Variants in XRCC1 observed in about 807,000 individuals in gnomAD.
The protein encoded by XRCC1 is X-ray repair cross complementing 1, also known as DNA repair protein XRCC1.
Under a neutral mutation model 83.3 loss-of-function variants are expected in XRCC1, and 52 were observed. The observed-to-expected ratio is 0.62, with a 90% CI of 0.50 to 0.79. The LOEUF (loss-of-function observed/expected upper bound fraction) is 0.79, where lower values mean the gene tolerates loss of function less well. Among genes scored for constraint, XRCC1 ranks in the 30% least tolerant of loss-of-function variants. XRCC1 has a pLI of 0.00. For synonymous variants in XRCC1, 281 were observed against 312.6 expected (o/e 0.90, Z 1.07); for missense variants, 793 against 823.5 (o/e 0.96, Z 0.45).
At chr19:43,545,517 G>A (rs527663696) in intron 14 of XRCC1, among the ~76,000 whole-genome samples, 39 of 152,312 alleles carry the variant, frequency 2.6e-4, no homozygotes, top group Admixed American at 5.2e-4. Flanking sequence ...GCACTAGCAT[G>A]AGGGTGGGGC....
chr19:43,575,519 A>C lies in XRCC1; in HGVS notation c.-61T>G. On this transcript the variant is annotated 5_prime_UTR_variant, in exon 1 of 17. Coordinates refer to ENST00000262887, the MANE Select transcript of XRCC1 (RefSeq NM_006297.3). ...AGGTAGAGTATGGGGTCCGAGGGGC[A>C]GGGAGAGTGGGAGGGGGCGGGGTGC... 2 of 1,428,088 alleles carry C rather than the reference A, an allele frequency of 1.4e-6. No individual in the cohort carries two copies. The highest frequency in any genetic ancestry group is 2.0e-6 in the Non-Finnish European group (2 of 1,022,100). 88.5% of individuals were successfully genotyped at this position (1,428,088 alleles called of 1,614,324 possible). A position where few individuals can be genotyped will look rare whatever the true frequency, so the allele number is the denominator to read the frequency against.
At chr19:43,565,628 T>C (rs1972744456) in intron 2 of XRCC1, among the ~76,000 whole-genome samples, 1 of 152,216 alleles carries the variant, frequency 6.6e-6, no homozygotes, top group African/African-American at 2.4e-5. Flanking sequence ...CCCTGACATT[T>C]CTTCTTTGTA....
At chr19:43,558,628 T>G (rs1443985149) in intron 3 of XRCC1, among the ~76,000 whole-genome samples, 3 of 151,046 alleles carry the variant, frequency 2.0e-5, no homozygotes, top group African/African-American at 7.3e-5. Flanking sequence ...GACCCCCATC[T>G]CAAATAAATA....
In XRCC1 at chr19:43,552,189, T is replaced by C. The variant is rs25490; in HGVS notation, c.910A>G (p.Thr304Ala). Reference sequence around the variant, plus strand: ...CCAGCTCGGGGTCGTCTGGGCTCGGTGCCTTCTCCTCGGGGTTTGCCTGTC... The same window carrying C: ...CCAGCTCGGGGTCGTCTGGGCTCGGCGCCTTCTCCTCGGGGTTTGCCTGTC... ...AVTGKPRGEG[T>A]EPRRPRAGPE... is the part of the protein sequence containing the mutation. Residue 304 changes from threonine (T) to alanine (A), a missense_variant, in exon 9 of 17, where the codon ACC becomes GCC. Coordinates refer to ENST00000262887, the MANE Select transcript of XRCC1 (RefSeq NM_006297.3). 5.1e-3 allele frequency: 8,169 copies of C among 1,613,950 alleles called. 308 individuals are homozygous for C. The African/African-American group carries it at 0.086, about 17-fold the overall frequency.
intron 15 of XRCC1, 94 bp from the exon 16 acceptor site, chr19:43,543,781 G>T: frequency 8.4e-7 from 1 of 1,185,398 alleles, no homozygotes; most frequent in Non-Finnish European, 1.2e-6. Flanking sequence ...TCCCCACACT[G>T]TCCCCACCTA....
intron 2 of XRCC1, among the ~76,000 whole-genome samples, chr19:43,573,368 G>C (rs1972823246): frequency 6.6e-6 from 1 of 152,144 alleles, no homozygotes; most frequent in Non-Finnish European, 1.5e-5. Context: ...CAAAAGCCAA[G>C]TGCATTTAAG....
intron 10 of XRCC1, among the ~76,000 whole-genome samples, chr19:43,550,581 T>A (rs903812622): frequency 1.3e-5 from 2 of 152,094 alleles, no homozygotes; most frequent in Non-Finnish European, 2.9e-5. Context: ...TACAATCCAG[T>A]CTCCCCTCCA....
At chr19:43,548,766 CAAAAAAAAA>C (rs60740505) in intron 10 of XRCC1, among the ~76,000 whole-genome samples, 2 of 64,594 alleles carry the variant, frequency 3.1e-5, no homozygotes, top group Non-Finnish European at 6.1e-5. Context: ...CAAGAATGAT[CAAAAAAAAA>C]AAAAAAAAAA....
intron 10 of XRCC1, among the ~76,000 whole-genome samples, chr19:43,548,049 G>GGGCCAGTCCCCGCCC (rs1972531790): frequency 8.4e-6 from 1 of 118,902 alleles, no homozygotes; most frequent in East Asian, 2.2e-4. Flanking sequence ...GGGAGGTGGG[G>GGGCCAGTCCCCGCCC]GGCCAGCCGC....
At chr19:43,563,365 C>T (rs991636275) in intron 2 of XRCC1, among the ~76,000 whole-genome samples, 5 of 152,116 alleles carry the variant, frequency 3.3e-5, no homozygotes, top group Non-Finnish European at 7.4e-5. Context: ...TGGTGGTGAG[C>T]GCCTGTAATC....
Position 43,546,073 on chromosome 19 carries a change from TC to T in XRCC1, c.1459del (p.Asp487ThrfsTer6). Reference protein sequence around the residue: ...GQDNGAEDSGDTEDELRRVAE... With the variant: ...GQDNGAEDSGXTEDELRRVAE... ...CTACCTCCTCAGCTCATCCTCTGTG[TC>T]CCCAGAATCTTCCGCCCCATTGTCC... On this transcript the variant is annotated frameshift_variant, in exon 13 of 17. Transcript: ENST00000262887. LOFTEE classifies it high-confidence loss of function. The T allele has an allele frequency of 6.2e-7, 1 of 1,609,002 alleles. No homozygotes were observed. Among genetic ancestry groups the T allele is most frequent in the Non-Finnish European group, 8.5e-7 (1 of 1,178,732 alleles).
intron 2 of XRCC1, among the ~76,000 whole-genome samples, chr19:43,568,212 A>T (rs772566041): frequency 6.6e-5 from 10 of 151,300 alleles, no homozygotes; most frequent in Non-Finnish European, 1.0e-4. Context: ...AGAATAAGGT[A>T]GGCTGCGCAC....
chr19:43,553,085 G>T lies in XRCC1; in HGVS notation c.608C>A (p.Ala203Asp). ...SRINKTSPVTASDPAGPSYAA... is the reference protein window; with the variant it reads ...SRINKTSPVTDSDPAGPSYAA... Reference sequence around the variant, plus strand: ...ATAGCTAGGTCCTGCTGGGTCGCTGGCTGTGACTATGAAGGGAGAAAGTGG... The same window carrying T: ...ATAGCTAGGTCCTGCTGGGTCGCTGTCTGTGACTATGAAGGGAGAAAGTGG... Residue 203 changes from alanine to aspartate, a missense_variant, in exon 7 of 17, where the codon GCC becomes GAC. Transcript: ENST00000262887. The T allele has an allele frequency of 1.3e-6, 2 of 1,569,250 alleles. No individual in the cohort carries two copies. The highest frequency in any genetic ancestry group is 1.9e-5 in the Admixed American group (1 of 53,004).
Position 43,552,060 on chromosome 19 carries a change from C to T in XRCC1, c.1039G>A (p.Ala347Thr). 1.2e-6 allele frequency: 2 copies of T among 1,614,106 alleles called. No individual in the cohort carries two copies. Among genetic ancestry groups the T allele is most frequent in the Non-Finnish European group, 1.7e-6 (2 of 1,179,990 alleles). Reference sequence around the variant, plus strand: ...CGGGTCCAGTCTGGCCGATACTTGGCCCCAAGCTCTAGGGCCTTATCTCGC... The same window carrying T: ...CGGGTCCAGTCTGGCCGATACTTGGTCCCAAGCTCTAGGGCCTTATCTCGC... Reference protein sequence around the residue: ...ELRDKALELGAKYRPDWTRDS... With the variant: ...ELRDKALELGTKYRPDWTRDS... The change falls in exon 9 of 17, where the codon GCC (alanine) becomes ACC (threonine). Residue 347 changes from alanine to threonine, a missense_variant. Ala to Thr is a moderately conservative substitution (Grantham distance 58). Transcript: ENST00000262887.
At chr19:43,560,779 C>A (rs1002248847) in intron 3 of XRCC1, 131 bp downstream of exon 3, 2 of 737,944 alleles carry the variant, frequency 2.7e-6, no homozygotes, top group African/African-American at 3.4e-5. Flanking sequence ...CTGGGTGATC[C>A]TCCAGAGGGC....
At chr19:43,544,499 C>CCTCT (rs918806636) in intron 14 of XRCC1, among the ~76,000 whole-genome samples, 1 of 151,248 alleles carries the variant, frequency 6.6e-6, no homozygotes, top group East Asian at 2.0e-4. Context: ...GAGCCACTTA[C>CCTCT]CTCTCTCTCT....
chr19:43,547,348 G>A (rs1040527917), intron 10 of XRCC1, among the ~76,000 whole-genome samples: 4 of 151,698 alleles, frequency 2.6e-5, no homozygotes, highest in African/African-American at 9.7e-5. Context: ...ACCATGCCCC[G>A]CCAACTTTTT....
At chr19:43,549,594 C>A (rs146546931) in intron 10 of XRCC1, among the ~76,000 whole-genome samples, 1 of 152,004 alleles carries the variant, frequency 6.6e-6, no homozygotes, top group South Asian at 2.1e-4. Context: ...TCTTGATTTG[C>A]CACCTAGACT....
At chr19:43,554,848 G>A in intron 3 of XRCC1, 44 bp from the exon 4 acceptor site, 1 of 1,583,676 alleles carries the variant, frequency 6.3e-7, no homozygotes, top group Non-Finnish European at 8.6e-7. Flanking sequence ...GGGCAGGTTG[G>A]CTTAGATGAG....
Sources: allele counts gnomAD v4.1 joint callset (sites outside exome capture counted in the v4.1 genomes callset), GRCh38; gene constraint gnomAD v4.1.1; transcripts MANE v1.5; gene names NCBI Gene and HGNC (gene_info 2026-07-23, HGNC 2026-07-21).